CCDC192: variants seen among roughly 807,000 people sequenced by gnomAD.
CCDC192 encodes coiled-coil domain-containing protein 192.
At chr5:127,878,395 AT>A (rs752274486) in intron 6 of CCDC192, among the ~76,000 whole-genome samples, 6 of 152,212 alleles carry the variant, frequency 3.9e-5, no homozygotes, top group Non-Finnish European at 7.3e-5. Flanking sequence ...GGGAAGGAGA[AT>A]GCTCCAGCTG....
chr5:127,720,505 C>T (rs572443232), intron 2 of CCDC192, among the ~76,000 whole-genome samples: 193 of 152,286 alleles, frequency 1.3e-3, no homozygotes, highest in African/African-American at 4.3e-3. Flanking sequence ...TCCAGGGGCA[C>T]GGTGCAAGCT....
chr5:127,719,834 C>CG (rs60444510), intron 2 of CCDC192, among the ~76,000 whole-genome samples: 4,751 of 138,790 alleles, frequency 0.034, 333 homozygotes, highest in African/African-American at 0.12. Flanking sequence ...GAGGAAGGGG[C>CG]GGGGGAGGTG....
At chr5:127,743,026 A>T (rs1314806283) in intron 2 of CCDC192, among the ~76,000 whole-genome samples, 3 of 151,780 alleles carry the variant, frequency 2.0e-5, no homozygotes, top group Admixed American at 2.0e-4. Flanking sequence ...GGGAACGCTG[A>T]TCTCGCTGGA....
chr5:127,810,206 A>T (rs993971639), intron 5 of CCDC192, among the ~76,000 whole-genome samples: 1 of 152,228 alleles, frequency 6.6e-6, no homozygotes, highest in African/African-American at 2.4e-5. Flanking sequence ...TTCAAATAAC[A>T]GTCCATTGTG....
intron 6 of CCDC192, among the ~76,000 whole-genome samples, chr5:127,899,531 C>G (rs1188283576): frequency 1.3e-5 from 2 of 148,344 alleles, no homozygotes; most frequent in South Asian, 2.1e-4. Flanking sequence ...CAACTGCCAG[C>G]CATAAAAGTA....
rs1561445073 is a variant in CCDC192 at position 127,719,554 on chromosome 5, T to TACACACACAC, written c.114+11795_114+11796insCACACACACA. On this transcript the variant is annotated intron_variant, in intron 2 of 6. Transcript: ENST00000514853. ...ACATACATATATATATATATATATATATATACACACATACATATATATATA... is the reference window on the plus strand; with the variant it reads ...ACATACATATATATATATATATATATACACACACACATATACACACATACATATATATATA... Among the ~76,000 whole-genome samples, 10 of 36,522 alleles carry TACACACACAC rather than the reference T, an allele frequency of 2.7e-4. 1 individual carries two copies. Among genetic ancestry groups the TACACACACAC allele is most frequent in the East Asian group, 1.2e-3 (3 of 2,496 alleles). The allele number at this position is 36,522 out of a possible 152,430, so 24.0% of individuals were successfully genotyped here. A position where few individuals can be genotyped will look rare whatever the true frequency, so the allele number is the denominator to read the frequency against.
At chr5:127,711,385 T>C (rs919340818) in intron 2 of CCDC192, among the ~76,000 whole-genome samples, 11 of 152,186 alleles carry the variant, frequency 7.2e-5, no homozygotes, top group African/African-American at 2.7e-4. Context: ...TTTTAATTTG[T>C]AAGATCAAAT....
intron 3 of CCDC192, among the ~76,000 whole-genome samples, chr5:127,757,242 A>T (rs2126880629): frequency 6.6e-6 from 1 of 152,350 alleles, no homozygotes; most frequent in South Asian, 2.1e-4. Context: ...GGATCTGTAC[A>T]TGTTAATTGT....
chr5:127,862,115 A>G (rs1464842539), intron 5 of CCDC192, among the ~76,000 whole-genome samples: 1 of 152,154 alleles, frequency 6.6e-6, no homozygotes, highest in Non-Finnish European at 1.5e-5. Context: ...ATTTCTTCAT[A>G]TCTACGCTAA....
At chr5:127,812,962 A>G (rs766630933) in intron 5 of CCDC192, among the ~76,000 whole-genome samples, 1 of 152,144 alleles carries the variant, frequency 6.6e-6, no homozygotes, top group Non-Finnish European at 1.5e-5. Context: ...TTGACCCCAT[A>G]ACCAAATGCC....
intron 6 of CCDC192, among the ~76,000 whole-genome samples, chr5:127,884,687 A>G (rs1351975110): frequency 2.0e-5 from 3 of 152,190 alleles, no homozygotes; most frequent in African/African-American, 7.2e-5. Flanking sequence ...GTGTTATCAG[A>G]TAAAAGAAGA....
chr5:127,800,394 A>AC (rs1757430780), intron 5 of CCDC192, among the ~76,000 whole-genome samples: 1 of 138,344 alleles, frequency 7.2e-6, no homozygotes, highest in Non-Finnish European at 1.6e-5. Context: ...AAAAAAAAAA[A>AC]AAAAAAACAA....
chr5:127,867,386 A>G (rs1306022467), intron 5 of CCDC192, among the ~76,000 whole-genome samples: 1 of 152,236 alleles, frequency 6.6e-6, no homozygotes, highest in Non-Finnish European at 1.5e-5. Context: ...AGAGCTTAGC[A>G]GCACTTTCAC....
At chr5:127,805,618 T>G (rs1757740231) in intron 5 of CCDC192, among the ~76,000 whole-genome samples, 1 of 152,212 alleles carries the variant, frequency 6.6e-6, no homozygotes, top group East Asian at 1.9e-4. Context: ...CTGCGGGCCA[T>G]TCTCTTAGTG....
At chr5:127,870,950 C>T (rs1208214605) in intron 5 of CCDC192, among the ~76,000 whole-genome samples, 10 of 152,210 alleles carry the variant, frequency 6.6e-5, no homozygotes, top group South Asian at 2.1e-4. Context: ...TCTTCAATAG[C>T]GAGCATTTTG....
chr5:127,905,291 A>G (rs574582589), intron 6 of CCDC192, among the ~76,000 whole-genome samples: 4 of 152,336 alleles, frequency 2.6e-5, no homozygotes, highest in African/African-American at 9.6e-5. Flanking sequence ...TTATTAATCT[A>G]TGAAGTTGCG....
chr5:127,720,638 C>T (rs1751966136), intron 2 of CCDC192, among the ~76,000 whole-genome samples: 1 of 152,218 alleles, frequency 6.6e-6, no homozygotes, highest in African/African-American at 2.4e-5. Flanking sequence ...CTCCACACTG[C>T]CCTAGTAGAG....
At chr5:127,771,468 C>T (rs571811963) in intron 3 of CCDC192, among the ~76,000 whole-genome samples, 1 of 152,190 alleles carries the variant, frequency 6.6e-6, no homozygotes, top group Non-Finnish European at 1.5e-5. Context: ...GAGAGGGAGG[C>T]AATGGAGAGT....
chr5:127,871,952 C>T (rs913126192), intron 5 of CCDC192, among the ~76,000 whole-genome samples: 1 of 152,124 alleles, frequency 6.6e-6, no homozygotes, highest in African/African-American at 2.4e-5. Flanking sequence ...CTAAGGAGAC[C>T]ATAATAGACT....
Sources: allele counts gnomAD v4.1 joint callset (sites outside exome capture counted in the v4.1 genomes callset), GRCh38; gene constraint gnomAD v4.1.1; transcripts MANE v1.5; gene names NCBI Gene and HGNC (gene_info 2026-07-23, HGNC 2026-07-21).